The following CD2AP variants were observed in gnomAD, a reference collection of about 807,000 sequenced individuals.
CD2AP encodes CD2-associated protein.
CD2AP carries 46 observed loss-of-function variants against 85.1 expected under a neutral mutation model. The ratio of observed to expected loss-of-function variants is 0.54; its 90% CI spans 0.43 to 0.69. CD2AP has a LOEUF of 0.69. Among genes scored for constraint, CD2AP ranks in the 30% least tolerant of loss-of-function variants. The pLI is 0.00. For missense variants in CD2AP, 769 were observed against 729.5 expected, an observed-to-expected ratio of 1.05 and a Z score of -0.62; for synonymous variants, 255 against 252.9, an observed-to-expected ratio of 1.01 and a Z score of -0.08.
intron 8 of CD2AP, among the ~76,000 whole-genome samples, chr6:47,577,916 T>C (rs1768356261): frequency 6.6e-6 from 1 of 152,144 alleles, no homozygotes. Flanking sequence ...GATGTCATAG[T>C]GTATATAATT....
At chr6:47,610,974 T>A (rs1411183376) in intron 16 of CD2AP, among the ~76,000 whole-genome samples, 2,551 of 131,846 alleles carry the variant, frequency 0.019, 57 homozygotes, top group Non-Finnish European at 0.023. Flanking sequence ...TATATGTATT[T>A]TTTTTTTTTT....
intron 1 of CD2AP, among the ~76,000 whole-genome samples, chr6:47,482,456 G>C (rs1424629608): frequency 6.8e-6 from 1 of 148,090 alleles, no homozygotes; most frequent in Non-Finnish European, 1.5e-5. Context: ...TCGGCTCACT[G>C]CAACCTCCGC....
intron 5 of CD2AP, among the ~76,000 whole-genome samples, chr6:47,570,280 A>G (rs1239447117): frequency 6.6e-6 from 1 of 152,140 alleles, no homozygotes; most frequent in Non-Finnish European, 1.5e-5. Context: ...TTTGCTATAG[A>G]GATTTAATGA....
intron 9 of CD2AP, among the ~76,000 whole-genome samples, 170 bp from the exon 10 acceptor site, chr6:47,580,694 T>A (rs1201913818): frequency 6.6e-6 from 1 of 152,240 alleles, no homozygotes; most frequent in Non-Finnish European, 1.5e-5. Flanking sequence ...AATAATTTGT[T>A]GTCATTGACT....
intron 1 of CD2AP, among the ~76,000 whole-genome samples, chr6:47,480,663 G>C (rs1765418853): frequency 6.6e-6 from 1 of 152,188 alleles, no homozygotes; most frequent in Middle Eastern, 3.2e-3. Context: ...AAAGTGCTTA[G>C]AACACTGCCA....
chr6:47,531,842 G>C (rs963711555), intron 2 of CD2AP, among the ~76,000 whole-genome samples: 3 of 152,036 alleles, frequency 2.0e-5, no homozygotes, highest in Non-Finnish European at 4.4e-5. Flanking sequence ...GGAGGTCGAG[G>C]CAGGCAGATC....
chr6:47,566,323 T>TATACACACAC, intron 5 of CD2AP, among the ~76,000 whole-genome samples: 9 of 108,220 alleles, frequency 8.3e-5, no homozygotes, highest in South Asian at 3.5e-4. Context: ...TATATATATA[T>TATACACACAC]ACACATACAC....
chr6:47,536,966 C>T (rs902357150), intron 3 of CD2AP, among the ~76,000 whole-genome samples: 1 of 152,194 alleles, frequency 6.6e-6, no homozygotes, highest in South Asian at 2.1e-4. Context: ...TCTCTTGGCA[C>T]ACGTGAGGCA....
intron 1 of CD2AP, among the ~76,000 whole-genome samples, chr6:47,499,097 T>C (rs9369704): frequency 0.87 from 133,081 of 152,140 alleles, 58,515 homozygotes; most frequent in Non-Finnish European, 0.92. Flanking sequence ...TTTTTTTTGA[T>C]AACTTCCTTA....
intron 1 of CD2AP, among the ~76,000 whole-genome samples, chr6:47,482,526 G>A (rs1362557957): frequency 1.3e-5 from 2 of 151,764 alleles, no homozygotes; most frequent in African/African-American, 4.8e-5. Context: ...CTACAGGCAC[G>A]TGCCACCATG....
At chr6:47,578,094 G>A (rs527689872) in intron 8 of CD2AP, among the ~76,000 whole-genome samples, 5 of 152,164 alleles carry the variant, frequency 3.3e-5, no homozygotes, top group African/African-American at 1.2e-4. Context: ...TTTTATAAAT[G>A]TATGTGAATT....
intron 13 of CD2AP, among the ~76,000 whole-genome samples, chr6:47,601,365 A>G (rs1320422954): frequency 6.6e-6 from 1 of 152,008 alleles, no homozygotes; most frequent in Admixed American, 6.6e-5. Context: ...TCAGAAAACT[A>G]ACAGCTACTT....
At chr6:47,606,112 C>T (rs1410213701) in intron 13 of CD2AP, 53 bp from the exon 14 acceptor site, 2 of 953,298 alleles carry the variant, frequency 2.1e-6, no homozygotes, top group Non-Finnish European at 3.4e-6. Flanking sequence ...TTATTTTTTA[C>T]CTTTAAAAAG....
At chr6:47,620,571 C>A (rs1374494293) in intron 17 of CD2AP, among the ~76,000 whole-genome samples, 1 of 151,898 alleles carries the variant, frequency 6.6e-6, no homozygotes, top group Non-Finnish European at 1.5e-5. Flanking sequence ...ATTGTTTTTT[C>A]CAATTCTGTG....
At chr6:47,581,917 C>T (rs1312430848) in intron 10 of CD2AP, 86 bp from the exon 11 acceptor site, 43 of 858,172 alleles carry the variant, frequency 5.0e-5, no homozygotes, top group Non-Finnish European at 6.6e-5. Flanking sequence ...TGTTATTTTT[C>T]AACTCATCTT....
chr6:47,529,829 C>G (rs766066395), intron 2 of CD2AP, among the ~76,000 whole-genome samples: 4 of 152,202 alleles, frequency 2.6e-5, no homozygotes, highest in Admixed American at 2.0e-4. Context: ...ATTGCCTACC[C>G]AGACTCAGAG....
At chr6:47,531,101 T>G (rs1313013229) in intron 2 of CD2AP, among the ~76,000 whole-genome samples, 1 of 152,070 alleles carries the variant, frequency 6.6e-6, no homozygotes, top group Non-Finnish European at 1.5e-5. Context: ...AAAAAAAATG[T>G]GTTTTTTGAT....
chr6:47,599,849 A>T (rs974532426), intron 13 of CD2AP, among the ~76,000 whole-genome samples: 5 of 152,012 alleles, frequency 3.3e-5, no homozygotes, highest in Admixed American at 2.0e-4. Flanking sequence ...TTCTCCTCTT[A>T]ATCTAGAGAT....
intron 1 of CD2AP, among the ~76,000 whole-genome samples, chr6:47,492,262 C>T (rs1765754646): frequency 6.6e-6 from 1 of 150,930 alleles, no homozygotes; most frequent in Non-Finnish European, 1.5e-5. Flanking sequence ...TAGGCACTGG[C>T]AAATTTGGTG....
Sources: allele counts gnomAD v4.1 joint callset (sites outside exome capture counted in the v4.1 genomes callset), GRCh38; gene constraint gnomAD v4.1.1; transcripts MANE v1.5; gene names NCBI Gene and HGNC (gene_info 2026-07-23, HGNC 2026-07-21).